Variants in LSAMP observed in about 807,000 individuals in gnomAD.
LSAMP encodes limbic system associated membrane protein, also known as limbic system-associated membrane protein.
LSAMP carries 7 observed loss-of-function variants against 38.6 expected under a neutral mutation model. The ratio of observed to expected loss-of-function variants is 0.18; its 90% CI spans 0.10 to 0.34. LSAMP has a LOEUF of 0.34. Among genes scored for constraint, LSAMP ranks in the 10% least tolerant of loss-of-function variants. The probability of loss-of-function intolerance (pLI) is 1.00; values close to 1 mark genes in which losing one functional copy is unlikely to be tolerated. For synonymous variants in LSAMP, 154 were observed against 166.8 expected (o/e 0.92, Z 0.59); for missense variants, 313 against 420.0 (o/e 0.75, Z 2.23).
chr3:116,274,807 G>A (rs2047024698), intron 1 of LSAMP, among the ~76,000 whole-genome samples: 1 of 151,740 alleles, frequency 6.6e-6, no homozygotes, highest in African/African-American at 2.4e-5. Flanking sequence ...TTGAAAGAAT[G>A]ATATAATTTA....
intron 1 of LSAMP, among the ~76,000 whole-genome samples, chr3:116,272,189 A>G (rs1388870561): frequency 2.6e-5 from 4 of 152,098 alleles, no homozygotes; most frequent in Non-Finnish European, 5.9e-5. Context: ...GAAACTATGT[A>G]TGTGCGAATA....
intron 1 of LSAMP, among the ~76,000 whole-genome samples, chr3:116,267,172 T>A (rs1266217379): frequency 1.3e-5 from 2 of 152,122 alleles, no homozygotes; most frequent in African/African-American, 4.8e-5. Context: ...TTTTTGAAGT[T>A]GGCGCCACTT....
Position 115,802,458 on chromosome 3 carries a change from A to C in LSAMP, c.*7859T>G, listed in dbSNP as rs189498243. 416 of 152,248 alleles carry C rather than the reference A, an allele frequency of 2.7e-3. 1 individual carries two copies. Among genetic ancestry groups the C allele is most frequent in the African/African-American group, 9.3e-3 (386 of 41,564 alleles). The allele number at this position is 152,248 out of a possible 1,614,324, so 9.4% of individuals were successfully genotyped here. On this transcript the variant is annotated 3_prime_UTR_variant, in exon 7 of 7. Coordinates refer to ENST00000490035, the MANE Select transcript of LSAMP (RefSeq NM_002338.5). ...AGCATTCATACGTGTAAAGTAACAG[A>C]AGAGAGAAACAGAATTTAAATACAT...
rs552635074 is a variant in LSAMP, at chr3:116,270,414, A to G, written c.155+174463T>C. Among the ~76,000 whole-genome samples, 9 of 135,090 alleles carry G rather than the reference A, an allele frequency of 6.7e-5. No individual in the cohort carries two copies. The South Asian group carries it at 2.6e-3, about 40-fold the overall frequency. 88.6% of individuals were successfully genotyped at this position (135,090 alleles called of 152,430 possible). A position where few individuals can be genotyped will look rare whatever the true frequency, so the allele number is the denominator to read the frequency against. On this transcript the variant is annotated intron_variant, in intron 1 of 6. Transcript: ENST00000490035. ...GGTTGCAGTGTCAAATGGACCCTGAAGCTTCTTTACTTCATTTGACAACAA... is the reference window on the plus strand; with the variant it reads ...GGTTGCAGTGTCAAATGGACCCTGAGGCTTCTTTACTTCATTTGACAACAA...
At chr3:116,087,402 G>A (rs1200329600) in intron 1 of LSAMP, among the ~76,000 whole-genome samples, 1 of 152,042 alleles carries the variant, frequency 6.6e-6, no homozygotes, top group African/African-American at 2.4e-5. Context: ...AGTGAAGGAG[G>A]GGTAAATACT....
At position 115,956,799 on chromosome 3, in the gene LSAMP, G is replaced by A. The variant is rs186302524; in HGVS notation, c.514+62716C>T. On this transcript the variant is annotated intron_variant, in intron 3 of 6. Coordinates refer to ENST00000490035, the MANE Select transcript of LSAMP (RefSeq NM_002338.5). ...GTCCTCAATATCAACAATCTTAAATGAGGATTTATTGTATATAACCTAGCA... is the reference window on the plus strand; with the variant it reads ...GTCCTCAATATCAACAATCTTAAATAAGGATTTATTGTATATAACCTAGCA... Among the ~76,000 whole-genome samples the A allele has an allele frequency of 2.8e-4, 43 of 152,226 alleles. No homozygotes were observed. The Middle Eastern group carries it at 0.014, about 48-fold the overall frequency.
intron 1 of LSAMP, among the ~76,000 whole-genome samples, chr3:116,204,903 A>G (rs1439357867): frequency 1.4e-5 from 2 of 142,180 alleles, no homozygotes; most frequent in Non-Finnish European, 3.1e-5. Flanking sequence ...TTGGTTCCAT[A>G]TGAACTTTAA....
intron 1 of LSAMP, among the ~76,000 whole-genome samples, chr3:116,209,606 GA>G (rs1403056626): frequency 3.3e-5 from 5 of 152,176 alleles, no homozygotes; most frequent in African/African-American, 1.2e-4. Flanking sequence ...TGAAGAGTAA[GA>G]GGGGGGCTTT....
intron 1 of LSAMP, among the ~76,000 whole-genome samples, chr3:116,186,110 C>G (rs569421526): frequency 2.0e-5 from 3 of 152,102 alleles, no homozygotes; most frequent in East Asian, 3.9e-4. Flanking sequence ...AGAAGTGAAG[C>G]AAAGCTGGAG....
At chr3:116,220,078 T>C (rs1301104053) in intron 1 of LSAMP, among the ~76,000 whole-genome samples, 1 of 151,904 alleles carries the variant, frequency 6.6e-6, no homozygotes, top group African/African-American at 2.4e-5. Flanking sequence ...GAGCTACTTG[T>C]GAGGCTGAGC....
chr3:116,393,759 A>AAAGT (rs1422708114), intron 1 of LSAMP, among the ~76,000 whole-genome samples: 3 of 152,354 alleles, frequency 2.0e-5, no homozygotes, highest in African/African-American at 7.2e-5. Flanking sequence ...GTGAGCTATT[A>AAAGT]AAGTAAGTCT....
chr3:115,857,137 G>A (rs1935531828), intron 3 of LSAMP, among the ~76,000 whole-genome samples: 1 of 152,180 alleles, frequency 6.6e-6, no homozygotes, highest in Non-Finnish European at 1.5e-5. Context: ...TATCGTTTTG[G>A]AAACCAACAG....
Position 115,803,454 on chromosome 3 carries a change from T to C in LSAMP, c.*6863A>G, listed in dbSNP as rs900862894. ...CAAGAGGATCTGTGCTCAATGCATC[T>C]AGAACATGGCACAAGAAAATAATTC... On this transcript the variant is annotated 3_prime_UTR_variant, in exon 7 of 7. Transcript: ENST00000490035. 1 of 152,214 alleles carries C rather than the reference T, an allele frequency of 6.6e-6. No individual in the cohort carries two copies. Among genetic ancestry groups the C allele is most frequent in the Non-Finnish European group, 1.5e-5 (1 of 68,044 alleles). The allele number at this position is 152,214 out of a possible 1,614,324, so 9.4% of individuals were successfully genotyped here.
chr3:116,248,944 G>C (rs1019605923), intron 1 of LSAMP, among the ~76,000 whole-genome samples: 1 of 152,016 alleles, frequency 6.6e-6, no homozygotes, highest in Non-Finnish European at 1.5e-5. Flanking sequence ...TCAGGAGATC[G>C]AGACCATCCT....
chr3:116,329,644 C>T (rs2107739267), intron 1 of LSAMP, among the ~76,000 whole-genome samples: 1 of 152,154 alleles, frequency 6.6e-6, no homozygotes, highest in Non-Finnish European at 1.5e-5. Flanking sequence ...ATTCCAGTAC[C>T]AAGTATTTAC....
At chr3:115,857,956 C>T (rs1373314285) in intron 3 of LSAMP, among the ~76,000 whole-genome samples, 4 of 152,162 alleles carry the variant, frequency 2.6e-5, no homozygotes, top group Admixed American at 6.5e-5. Flanking sequence ...ACAGTGCCTT[C>T]GGAGTTCCAT....
intron 3 of LSAMP, among the ~76,000 whole-genome samples, chr3:115,858,152 TCTCTCTCTCTCTCA>T (rs1023783813): frequency 5.3e-5 from 8 of 150,604 alleles, no homozygotes; most frequent in African/African-American, 1.2e-4. Flanking sequence ...TCTCTCTCTC[TCTCTCTCTCTCTCA>T]CACACACACA....
At position 115,956,128 on chromosome 3, in the gene LSAMP, G is replaced by T. The variant is rs374368198; in HGVS notation, c.514+63387C>A. 3.3e-5 allele frequency among the ~76,000 whole-genome samples: 5 copies of T among 151,896 alleles called. No homozygotes were observed. In the East Asian group the frequency reaches 5.8e-4, roughly 18 times the overall value. ...ATACTATTCTTTATGATAACTTTTA[G>T]AGCTTGTGTGCTCTCCCATGATTAT... is the stretch of plus-strand genomic sequence containing the variant. On this transcript the variant is annotated intron_variant, in intron 3 of 6. Transcript: ENST00000490035.
At chr3:115,819,944 A>G (rs1934174153) in intron 6 of LSAMP, among the ~76,000 whole-genome samples, 2 of 152,134 alleles carry the variant, frequency 1.3e-5, no homozygotes, top group Non-Finnish European at 2.9e-5. Flanking sequence ...TCTTGTGGTA[A>G]TACTAAGACA....
Sources: allele counts gnomAD v4.1 joint callset (sites outside exome capture counted in the v4.1 genomes callset), GRCh38; gene constraint gnomAD v4.1.1; transcripts MANE v1.5; gene names NCBI Gene and HGNC (gene_info 2026-07-23, HGNC 2026-07-21).